ARHGEF12: variants seen among roughly 807,000 people sequenced by gnomAD.
The protein encoded by ARHGEF12 is Rho guanine nucleotide exchange factor 12.
A neutral mutation model predicts 211.2 loss-of-function variants in ARHGEF12; 66 were observed. That is an observed-to-expected ratio of 0.31 (90% CI 0.26 to 0.38). The LOEUF (loss-of-function observed/expected upper bound fraction) is 0.38, where lower values mean the gene tolerates loss of function less well. Ranked by LOEUF, ARHGEF12 falls within the 10% of genes least tolerant of loss-of-function variation. ARHGEF12 has a pLI of 1.00. For synonymous variants in ARHGEF12, 592 were observed against 638.4 expected (o/e 0.93, Z 1.09); for missense variants, 1,429 against 1,869.5 (o/e 0.76, Z 4.34).
intron 1 of ARHGEF12, among the ~76,000 whole-genome samples, chr11:120,361,962 A>G (rs975652958): frequency 6.6e-6 from 1 of 152,222 alleles, no homozygotes; most frequent in African/African-American, 2.4e-5. Flanking sequence ...GCCAAACTCT[A>G]TATGTAGCCC....
chr11:120,376,895 T>C lies in ARHGEF12; in HGVS notation c.33-29223T>C, dbSNP rs528467754. Among the ~76,000 whole-genome samples, 5 of 152,330 alleles carry C rather than the reference T, an allele frequency of 3.3e-5. No homozygotes were observed. The South Asian group carries it at 1.0e-3, about 32-fold the overall frequency. On this transcript the variant is annotated intron_variant, in intron 1 of 40. Coordinates refer to ENST00000397843, the MANE Select transcript of ARHGEF12 (RefSeq NM_015313.3). ...CAAATGAATGAGAGCATGTGAAGTTTGTCTTTCGGTGTCTGGCCTATTTCA... is the reference window on the plus strand; with the variant it reads ...CAAATGAATGAGAGCATGTGAAGTTCGTCTTTCGGTGTCTGGCCTATTTCA...
At chr11:120,406,805 G>A (rs1169955752) in intron 2 of ARHGEF12, among the ~76,000 whole-genome samples, 2 of 152,212 alleles carry the variant, frequency 1.3e-5, no homozygotes, top group African/African-American at 4.8e-5. Flanking sequence ...TGATTCGCCC[G>A]CCTCAGGCTC....
At chr11:120,470,535 C>T (rs965257825) in intron 30 of ARHGEF12, among the ~76,000 whole-genome samples, 1 of 152,138 alleles carries the variant, frequency 6.6e-6, no homozygotes, top group African/African-American at 2.4e-5. Context: ...TATGGGCCCA[C>T]CTCTAAGAGG....
intron 1 of ARHGEF12, among the ~76,000 whole-genome samples, chr11:120,393,084 T>C: frequency 6.6e-6 from 1 of 152,146 alleles, no homozygotes; most frequent in East Asian, 1.9e-4. Context: ...ATGGAATGAG[T>C]GAATTCATGT....
rs1591469552 is a variant in ARHGEF12, at chr11:120,336,942, A to G, written c.-302A>G. The G allele has an allele frequency of 6.8e-6, 3 of 440,182 alleles. No individual in the cohort carries two copies. The East Asian group carries it at 1.0e-4, about 15-fold the overall frequency. The allele number at this position is 440,182 out of a possible 1,614,324, so 27.3% of individuals were successfully genotyped here. A position where few individuals can be genotyped will look rare whatever the true frequency, so the allele number is the denominator to read the frequency against. ...CGGGTCCCCTTCCCACTGCGCGCGG[A>G]TTTCCCTCTCTGAGGAAGTTTATCC... On this transcript the variant is annotated 5_prime_UTR_variant, in exon 1 of 41. Transcript: ENST00000397843.
At chr11:120,463,568 C>T in intron 27 of ARHGEF12, 1 of 144,616 alleles carries the variant, frequency 6.9e-6, no homozygotes, top group African/African-American at 2.5e-5. Context: ...TACTGTAGAA[C>T]TGCTTGAGTT....
At position 120,488,071 on chromosome 11, in the gene ARHGEF12, T is replaced by C. The variant is rs1213150115; in HGVS notation, c.*2994T>C. 9.2e-6 allele frequency: 2 copies of C among 218,542 alleles called. No homozygotes were observed. The highest frequency in any genetic ancestry group is 4.5e-5 in the African/African-American group (2 of 44,516). The allele number at this position is 218,542 out of a possible 1,614,324, so 13.5% of individuals were successfully genotyped here. ...AATCCCCTTTTTAAAAAGTTGTTGTTGTTGTTGTTTATTTGATTTTGAGTT... is the reference window on the plus strand; with the variant it reads ...AATCCCCTTTTTAAAAAGTTGTTGTCGTTGTTGTTTATTTGATTTTGAGTT... On this transcript the variant is annotated 3_prime_UTR_variant, in exon 41 of 41. Coordinates refer to ENST00000397843, the MANE Select transcript of ARHGEF12 (RefSeq NM_015313.3).
At chr11:120,346,038 A>G (rs1027736356) in intron 1 of ARHGEF12, among the ~76,000 whole-genome samples, 8 of 152,166 alleles carry the variant, frequency 5.3e-5, no homozygotes, top group African/African-American at 1.9e-4. Flanking sequence ...CAAATCATAT[A>G]AAATGGTATA....
At chr11:120,465,623 C>T (rs528553582) in intron 28 of ARHGEF12, among the ~76,000 whole-genome samples, 29 of 152,114 alleles carry the variant, frequency 1.9e-4, no homozygotes, top group Admixed American at 9.2e-4. Flanking sequence ...CATGCTACCA[C>T]GCCCTGCTAA....
chr11:120,347,206 C>CTTTCTTTCTTTCTT (rs1942785381), intron 1 of ARHGEF12, among the ~76,000 whole-genome samples: 1 of 89,912 alleles, frequency 1.1e-5, no homozygotes, highest in African/African-American at 3.6e-5. Flanking sequence ...CTTTCTTTCT[C>CTTTCTTTCTTTCTT]TTTCTTTTTC....
intron 33 of ARHGEF12, chr11:120,475,848 G>A (rs535465757): frequency 3.3e-5 from 6 of 180,298 alleles, no homozygotes; most frequent in African/African-American, 4.7e-5. Flanking sequence ...CCAAAGAGAC[G>A]GATGTAGTGT....
At chr11:120,405,693 T>A (rs1457596211) in intron 1 of ARHGEF12, among the ~76,000 whole-genome samples, 1 of 152,140 alleles carries the variant, frequency 6.6e-6, no homozygotes, top group Non-Finnish European at 1.5e-5. Flanking sequence ...AGAATAATAT[T>A]TTAATGGCAA....
rs1398061183 is a variant in ARHGEF12 at position 120,486,230 on chromosome 11, T to G, written c.*1153T>G. 1.7e-5 allele frequency: 4 copies of G among 233,292 alleles called. No individual in the cohort carries two copies. Among genetic ancestry groups the G allele is most frequent in the African/African-American group, 8.8e-5 (4 of 45,344 alleles). The allele number at this position is 233,292 out of a possible 1,614,324, so 14.5% of individuals were successfully genotyped here. A position where few individuals can be genotyped will look rare whatever the true frequency, so the allele number is the denominator to read the frequency against. On this transcript the variant is annotated 3_prime_UTR_variant, in exon 41 of 41. Transcript: ENST00000397843. ...TACCTGGAGGTTTGACTCTAATTTT[T>G]GCACTGATGGTGCCAAAGGGCCCTG...
At chr11:120,348,915 G>A (rs919906983) in intron 1 of ARHGEF12, among the ~76,000 whole-genome samples, 1 of 152,150 alleles carries the variant, frequency 6.6e-6, no homozygotes, top group African/African-American at 2.4e-5. Context: ...TGAATTCTGT[G>A]TTTAGACTTG....
chr11:120,459,890 G>A (rs1037189148), intron 26 of ARHGEF12, among the ~76,000 whole-genome samples: 1 of 151,968 alleles, frequency 6.6e-6, no homozygotes, highest in Non-Finnish European at 1.5e-5. Context: ...TGTATTTTTC[G>A]TAGAGATGGG....
chr11:120,409,211 TTAAAA>T (rs1376774147), intron 3 of ARHGEF12, 178 bp from the exon 4 acceptor site: 1 of 556,928 alleles, frequency 1.8e-6, no homozygotes, highest in Non-Finnish European at 3.2e-6. Context: ...CGATAAATCT[TTAAAA>T]TATGTCATTA....
At position 120,337,255 on chromosome 11, in the gene ARHGEF12, A is replaced by G; in HGVS notation, c.12A>G (p.Thr4=). 1.2e-6 allele frequency: 2 copies of G among 1,614,206 alleles called. No homozygotes were observed. The highest frequency in any genetic ancestry group is 1.1e-5 in the South Asian group (1 of 91,082). The change falls in exon 1 of 41, where the codon ACA becomes ACG. Residue 4 remains threonine (T), a synonymous_variant. Coordinates refer to ENST00000397843, the MANE Select transcript of ARHGEF12 (RefSeq NM_015313.3). ...CGCCAAGGGCCCCAATGAGTGGCAC[A>G]CAGTCTACTATCACCGACAGGTTGG... MSG[T]QSTITDRFPL...
Position 120,431,499 on chromosome 11 carries a change from T to G in ARHGEF12, c.784-272T>G, listed in dbSNP as rs12291720. Among the ~76,000 whole-genome samples the G allele has an allele frequency of 2.1e-3, 323 of 152,286 alleles. 2 individuals are homozygous for G. The highest frequency in any genetic ancestry group is 7.3e-3 in the African/African-American group (302 of 41,572). On this transcript the variant is annotated intron_variant, in intron 10 of 40. Coordinates refer to ENST00000397843, the MANE Select transcript of ARHGEF12 (RefSeq NM_015313.3). ...TTACATAAATTAACAAACCATTTTATCTTTTTGCTATATTTAGAAGTTTGA... is the reference window on the plus strand; with the variant it reads ...TTACATAAATTAACAAACCATTTTAGCTTTTTGCTATATTTAGAAGTTTGA...
intron 30 of ARHGEF12, among the ~76,000 whole-genome samples, chr11:120,472,394 G>C (rs906978623): frequency 1.3e-4 from 20 of 152,188 alleles, no homozygotes; most frequent in African/African-American, 4.8e-4. Context: ...GAAAATTGAG[G>C]GGGGTGGGGC....
Sources: gnomAD v4.1 joint callset for allele counts (sites outside exome capture counted in the v4.1 genomes callset) on GRCh38, gnomAD v4.1.1 for gene constraint, MANE v1.5 for transcripts, NCBI Gene and HGNC (gene_info 2026-07-23, HGNC 2026-07-21) for gene names.